Variants in MIA3 observed in about 807,000 individuals in gnomAD.
MIA3 encodes MIA SH3 domain ER export factor 3.
A neutral mutation model predicts 192.4 loss-of-function variants in MIA3; 90 were observed. The ratio of observed to expected loss-of-function variants is 0.47; its 90% confidence interval spans 0.39 to 0.56. The LOEUF (loss-of-function observed/expected upper bound fraction) is 0.56. Among genes scored for constraint, MIA3 ranks in the 20% least tolerant of loss-of-function variants. MIA3 has a pLI of 0.00. For synonymous variants in MIA3, 740 were observed against 792.8 expected (o/e 0.93, Z 1.12); for missense variants, 2,123 against 2,269.4 (o/e 0.94, Z 1.31).
At position 222,630,340 on chromosome 1, in the gene MIA3, A is replaced by G. The variant is rs761218491; in HGVS notation, c.3120A>G (p.Thr1040=). Residue 1040 remains threonine, a synonymous_variant, in exon 4 of 28, where the codon ACA becomes ACG. Coordinates refer to ENST00000344922, the MANE Select transcript of MIA3 (RefSeq NM_198551.4). ...ACTCCACAGCAGAGGAGACAGCCAC[A>G]CTGGTGATGGCACCACCTCTAGAGG... The part of the protein sequence containing the change: ...YKHSTAEETA[T]LVMAPPLEEG... 1 of 1,613,734 alleles carries G rather than the reference A, an allele frequency of 6.2e-7. No homozygotes were observed. The highest frequency in any genetic ancestry group is 8.5e-7 in the Non-Finnish European group (1 of 1,179,820).
chr1:222,628,766 A>C lies in MIA3; in HGVS notation c.1546A>C (p.Thr516Pro). Residue 516 changes from threonine to proline, a missense_variant, in exon 4 of 28, where the codon ACA becomes CCA. Coordinates refer to ENST00000344922, the MANE Select transcript of MIA3 (RefSeq NM_198551.4). ...SMPAAEKGKD[T>P]LKSAYDDTEN... ...GCCAGCTGCTGAAAAGGGTAAAGAC[A>C]CATTAAAATCAGCTTATGATGATAC... 1 of 1,614,150 alleles carries C rather than the reference A, an allele frequency of 6.2e-7. No individual in the cohort carries two copies. The highest frequency in any genetic ancestry group is 1.1e-5 in the South Asian group (1 of 91,088).
chr1:222,625,969 C>T lies in MIA3; in HGVS notation c.354+1115C>T, dbSNP rs1020976575. Among the ~76,000 whole-genome samples, 32 of 152,268 alleles carry T rather than the reference C, an allele frequency of 2.1e-4. No individual in the cohort carries two copies. In the Middle Eastern group the frequency reaches 0.01, roughly 49 times the overall value. On this transcript the variant is annotated intron_variant, in intron 3 of 27. Transcript: ENST00000344922. Reference sequence around the variant, plus strand: ...GGCCAGGCTGGTCTCAAACTCCTGACCTCAAGTGATCCATCTGCCTTGGCC... The same window carrying T: ...GGCCAGGCTGGTCTCAAACTCCTGATCTCAAGTGATCCATCTGCCTTGGCC...
chr1:222,660,371 T>G lies in MIA3; in HGVS notation c.5113+57T>G, dbSNP rs1663951259. On this transcript the variant is annotated intron_variant, in intron 24 of 27. Transcript: ENST00000344922. ...TTTTGGGTGGCTTTTTCCCTTTTAT[T>G]TGAGAATTCTAATGCAAACACTTTA... 1.9e-6 allele frequency: 3 copies of G among 1,543,834 alleles called. No individual in the cohort carries two copies. The East Asian group carries it at 6.8e-5, about 35-fold the overall frequency.
At chr1:222,658,856 C>T in intron 19 of MIA3, 33 bp downstream of exon 19, 1 of 1,430,148 alleles carries the variant, frequency 7.0e-7, no homozygotes. Context: ...GTATCAGTGG[C>T]TAATGAAACT....
chr1:222,650,647 A>G lies in MIA3; in HGVS notation c.3734A>G (p.Lys1245Arg). ...TATTTTATATAGATCAAGGAATCAAAGAAACATGTTCAGGAAACCAGGAAA... is the reference window on the plus strand; with the variant it reads ...TATTTTATATAGATCAAGGAATCAAGGAAACATGTTCAGGAAACCAGGAAA... ...SNYEQKIKES[K>R]KHVQETRKQN... The change falls in exon 10 of 28, where the codon AAG (lysine) becomes AGG (arginine). Residue 1245 changes from lysine (K) to arginine (R), a missense_variant. Lys to Arg is a conservative substitution (Grantham distance 26). Coordinates refer to ENST00000344922, the MANE Select transcript of MIA3 (RefSeq NM_198551.4). 6.3e-7 allele frequency: 1 copy of G among 1,590,458 alleles called. No individual in the cohort carries two copies. The highest frequency in any genetic ancestry group is 8.6e-7 in the Non-Finnish European group (1 of 1,164,596).
chr1:222,629,877 A>G lies in MIA3; in HGVS notation c.2657A>G (p.Tyr886Cys). 6.2e-7 allele frequency: 1 copy of G among 1,614,028 alleles called. No individual in the cohort carries two copies. Among genetic ancestry groups the G allele is most frequent in the Non-Finnish European group, 8.5e-7 (1 of 1,180,012 alleles). ...SKEDHENTEK[Y>C]MGTESQGSAA... Reference sequence around the variant, plus strand: ...GAGGACCATGAGAACACAGAGAAGTACATGGGCACAGAAAGCCAGGGGTCT... The same window carrying G: ...GAGGACCATGAGAACACAGAGAAGTGCATGGGCACAGAAAGCCAGGGGTCT... Residue 886 changes from tyrosine to cysteine, a missense_variant, in exon 4 of 28, where the codon TAC (tyrosine) becomes TGC (cysteine). Around this residue, in one of 3 missense-constraint regions of MIA3, gnomAD observed 1,357 missense variants for 1,396.1 expected, o/e 0.97. Coordinates refer to ENST00000344922, the MANE Select transcript of MIA3 (RefSeq NM_198551.4).
chr1:222,656,061 C>T (rs1250542395), intron 18 of MIA3, among the ~76,000 whole-genome samples: 1 of 150,892 alleles, frequency 6.6e-6, no homozygotes, highest in Non-Finnish European at 1.5e-5. Flanking sequence ...GCTCCGCCTC[C>T]CAGGTTCATG....
chr1:222,631,334 G>C (rs1662390675), intron 4 of MIA3, among the ~76,000 whole-genome samples: 2 of 151,986 alleles, frequency 1.3e-5, no homozygotes, highest in South Asian at 2.1e-4. Context: ...TGCCCAGGTT[G>C]ATCTTGAACT....
At chr1:222,618,512 A>G (rs1006857968) in intron 1 of MIA3, among the ~76,000 whole-genome samples, 13 of 151,784 alleles carry the variant, frequency 8.6e-5, no homozygotes, top group African/African-American at 3.1e-4. Context: ...CCAGCGTTTT[A>G]TTTTTCCTCT....
chr1:222,665,209 A>C (rs1664219192), intron 27 of MIA3, 100 bp from the exon 28 acceptor site: 1 of 862,754 alleles, frequency 1.2e-6, no homozygotes, highest in Admixed American at 3.1e-5. Flanking sequence ...AAAAAAAAAA[A>C]AAAAAAAAAA....
chr1:222,621,316 T>G, intron 2 of MIA3, 24 bp downstream of exon 2: 1 of 1,593,274 alleles, frequency 6.3e-7, no homozygotes. Flanking sequence ...CGACATACTT[T>G]ATTTGCTTAA....
Position 222,664,129 on chromosome 1 carries a change from G to A in MIA3, c.5394G>A (p.Arg1798=). The change falls in exon 27 of 28, where the codon CGG becomes CGA. Residue 1798 remains arginine, a synonymous_variant. Transcript: ENST00000344922. ...PPQLCGPFGP[R]PLPPPFGPGM... ...AGCTCTGCGGACCTTTTGGGCCTCG[G>A]CCACTTCCTCCACCCTTTGGTAAGA... The A allele has an allele frequency of 6.2e-7, 1 of 1,614,076 alleles. No individual in the cohort carries two copies. The highest frequency in any genetic ancestry group is 8.5e-7 in the Non-Finnish European group (1 of 1,180,002).
At chr1:222,663,632 T>A (rs1406838932) in intron 26 of MIA3, among the ~76,000 whole-genome samples, 1 of 152,206 alleles carries the variant, frequency 6.6e-6, no homozygotes, top group Non-Finnish European at 1.5e-5. Flanking sequence ...CTCTGCATTC[T>A]TAATATGGAA....
At chr1:222,644,213 C>A in intron 6 of MIA3, 1 of 1,077,078 alleles carries the variant, frequency 9.3e-7, no homozygotes, top group Non-Finnish European at 1.2e-6. Context: ...TCTCTCCCGT[C>A]CCCTCGATAG....
chr1:222,644,067 C>G (rs1448180284), intron 6 of MIA3, among the ~76,000 whole-genome samples: 1 of 152,236 alleles, frequency 6.6e-6, no homozygotes, highest in African/African-American at 2.4e-5. Context: ...TCCCCAGCTG[C>G]CGCCCACAAT....
At chr1:222,652,956 T>G in intron 13 of MIA3, 52 bp from the exon 14 acceptor site, 1 of 1,572,524 alleles carries the variant, frequency 6.4e-7, no homozygotes, top group Non-Finnish European at 8.6e-7. Context: ...GGTCCTAATG[T>G]CTCCAGTGCA....
At chr1:222,643,061 A>G (rs1452113876) in intron 6 of MIA3, among the ~76,000 whole-genome samples, 1 of 152,152 alleles carries the variant, frequency 6.6e-6, no homozygotes, top group East Asian at 1.9e-4. Context: ...CAGTAATCAA[A>G]TTTACGAATA....
intron 6 of MIA3, among the ~76,000 whole-genome samples, chr1:222,634,771 G>A (rs114802468): frequency 1.2e-4 from 18 of 152,252 alleles, no homozygotes; most frequent in Non-Finnish European, 1.6e-4. Flanking sequence ...AGGAAAGAGC[G>A]TTCTTGTTGT....
At position 222,659,466 on chromosome 1, in the gene MIA3, G is replaced by A; in HGVS notation, c.4723G>A (p.Glu1575Lys). Residue 1575 changes from glutamate to lysine, a missense_variant, in exon 20 of 28, where the codon GAA becomes AAA. Physicochemically the swap from Glu to Lys is moderately conservative, Grantham distance 56. Transcript: ENST00000344922. ...TGTAATTCTTAGGCGGAGAATTGAA[G>A]AAATGGAGGATGAATTACAGAAGAC... ...EVKTYKRRIE[E>K]MEDELQKTER... 1 of 1,613,870 alleles carries A rather than the reference G, an allele frequency of 6.2e-7. No homozygotes were observed. Among genetic ancestry groups the A allele is most frequent in the Non-Finnish European group, 8.5e-7 (1 of 1,179,852 alleles).
Sources: allele counts gnomAD v4.1 joint callset (sites outside exome capture counted in the v4.1 genomes callset), GRCh38; gene constraint gnomAD v4.1.1; regional missense constraint gnomAD v4.1.1; transcripts MANE v1.5; gene names NCBI Gene and HGNC (gene_info 2026-07-23, HGNC 2026-07-21).